DNAH12: variants seen among roughly 807,000 people sequenced by gnomAD.
DNAH12 encodes dynein axonemal heavy chain 12, also known as axonemal beta dynein heavy chain 12.
Under a neutral mutation model 371.5 loss-of-function variants are expected in DNAH12, and 285 were observed. The ratio of observed to expected loss-of-function variants is 0.77; its 90% CI spans 0.70 to 0.85. The LOEUF is 0.85. Ranked by LOEUF, DNAH12 falls within the 40% of genes least tolerant of loss-of-function variation. The probability of loss-of-function intolerance (pLI) is 0.00; values close to 1 mark genes in which losing one functional copy is unlikely to be tolerated. For missense variants in DNAH12, 3,611 were observed against 3,689.4 expected (o/e 0.98, Z 0.55); for synonymous variants, 1,200 against 1,213.0 (o/e 0.99, Z 0.22).
intron 15 of DNAH12, among the ~76,000 whole-genome samples, chr3:57,471,115 T>C (rs112268574): frequency 1.3e-5 from 2 of 152,016 alleles, no homozygotes; most frequent in African/African-American, 4.8e-5. Flanking sequence ...AAAGATAACA[T>C]AGTTCCAGTT....
chr3:57,335,063 C>G, intron 60 of DNAH12, 123 bp from the exon 61 acceptor site: 2 of 1,029,700 alleles, frequency 1.9e-6, no homozygotes, highest in Non-Finnish European at 2.7e-6. Context: ...CTGTAAACAA[C>G]TAGAAAACTG....
intron 11 of DNAH12, among the ~76,000 whole-genome samples, chr3:57,499,647 A>AAATATATATATATATATAT (rs1451248906): frequency 1.7e-4 from 3 of 17,958 alleles, no homozygotes; most frequent in Non-Finnish European, 2.4e-4. Flanking sequence ...AAAAAAAAAA[A>AAATATATATATATATATAT]ATATATATAT....
chr3:57,405,233 ATAAAG>A (rs2063988100), intron 41 of DNAH12, 86 bp from the exon 42 acceptor site: 2 of 1,214,490 alleles, frequency 1.6e-6, no homozygotes, highest in Non-Finnish European at 1.1e-6. Flanking sequence ...CATCCATGTT[ATAAAG>A]TAATTAAGTT....
intron 40 of DNAH12, among the ~76,000 whole-genome samples, chr3:57,407,873 C>A (rs2064086136): frequency 6.6e-6 from 1 of 151,848 alleles, no homozygotes; most frequent in South Asian, 2.1e-4. Context: ...GCTTAAATTT[C>A]TTTAAGACAA....
chr3:57,433,807 A>G lies in DNAH12; in HGVS notation c.4677T>C (p.Pro1559=), dbSNP rs936742157. The part of the protein sequence containing the change: ...VRHGFMLVGE[P]FAAKTKVLHV... ...GCAGAACTTTTGTCTTAGCAGCAAA[A>G]GGCTCTCCTACTAACATAAAACTAT... Residue 1559 remains proline, a synonymous_variant, in exon 31 of 74, where the codon CCT becomes CCC. Coordinates refer to ENST00000495027, the MANE Select transcript of DNAH12 (RefSeq NM_001366028.2). 7 of 1,545,788 alleles carry G rather than the reference A, an allele frequency of 4.5e-6. No individual in the cohort carries two copies. In the Admixed American group the frequency reaches 1.4e-4, roughly 31 times the overall value.
At chr3:57,325,090 A>C (rs1391240911) in intron 62 of DNAH12, among the ~76,000 whole-genome samples, 1 of 152,248 alleles carries the variant, frequency 6.6e-6, no homozygotes, top group Non-Finnish European at 1.5e-5. Context: ...GGTGGAACCC[A>C]CCACAGCTCA....
intron 62 of DNAH12, among the ~76,000 whole-genome samples, chr3:57,324,532 G>C (rs1214889156): frequency 1.3e-5 from 2 of 152,124 alleles, no homozygotes; most frequent in East Asian, 1.9e-4. Flanking sequence ...TCCACAATGT[G>C]GTGGGCCTCA....
At chr3:57,406,177 C>T (rs1553681171) in intron 40 of DNAH12, among the ~76,000 whole-genome samples, 1 of 151,734 alleles carries the variant, frequency 6.6e-6, no homozygotes, top group Non-Finnish European at 1.5e-5. Context: ...ATGGCAAAAC[C>T]CTGTCTCTAC....
At chr3:57,368,422 G>C (rs954357136) in intron 55 of DNAH12, among the ~76,000 whole-genome samples, 162 bp from the exon 56 acceptor site, 1 of 147,428 alleles carries the variant, frequency 6.8e-6, no homozygotes, top group Non-Finnish European at 1.5e-5. Context: ...ATGAAAAGGA[G>C]TTTTTTTTTT....
At chr3:57,508,237 T>A in intron 7 of DNAH12, 145 bp downstream of exon 7, 1 of 862,958 alleles carries the variant, frequency 1.2e-6, no homozygotes, top group Non-Finnish European at 1.6e-6. Context: ...CACACAATTG[T>A]TGAAACAAAC....
Position 57,446,171 on chromosome 3 carries a change from A to G in DNAH12, c.4039T>C (p.Cys1347Arg). 1 of 1,551,744 alleles carries G rather than the reference A, an allele frequency of 6.4e-7. No individual in the cohort carries two copies. ...TTCTGTTGAATAGCTCTCTGAATGC[A>G]AAGGATCTGTTGAGCTACCACTGAC... ...VLSVVAQQIL[C>R]IQRAIQQKLV... The change falls in exon 27 of 74, where the codon TGC becomes CGC. Residue 1347 changes from cysteine (C) to arginine (R), a missense_variant. Cys to Arg is a radical substitution (Grantham distance 180). Transcript: ENST00000495027.
At chr3:57,488,530 T>C (rs1473276933) in intron 12 of DNAH12, among the ~76,000 whole-genome samples, 2 of 152,114 alleles carry the variant, frequency 1.3e-5, no homozygotes, top group Non-Finnish European at 2.9e-5. Flanking sequence ...AGTAGAAAAC[T>C]GAGGCTCAGG....
intron 55 of DNAH12, among the ~76,000 whole-genome samples, chr3:57,374,466 T>C (rs1455476309): frequency 1.3e-5 from 2 of 152,100 alleles, no homozygotes; most frequent in African/African-American, 4.8e-5. Flanking sequence ...CAAAGTGATA[T>C]AAATAAAAGG....
chr3:57,531,877 T>C (rs1172269813), intron 2 of DNAH12, among the ~76,000 whole-genome samples: 1 of 152,128 alleles, frequency 6.6e-6, no homozygotes, highest in Non-Finnish European at 1.5e-5. Flanking sequence ...ATTATCTTTT[T>C]CTAGGTTTGG....
chr3:57,446,738 AAAC>A lies in DNAH12; in HGVS notation c.3787-52_3787-50del, dbSNP rs375701191. The A allele has an allele frequency of 6.6e-4, 922 of 1,399,070 alleles. 5 individuals carry two copies. In the Middle Eastern group the frequency reaches 0.01, roughly 15 times the overall value. 86.7% of individuals were successfully genotyped at this position (1,399,070 alleles called of 1,614,324 possible). A position where few individuals can be genotyped will look rare whatever the true frequency, so the allele number is the denominator to read the frequency against. On this transcript the variant is annotated intron_variant, in intron 25 of 73. Transcript: ENST00000495027. ...AAGAAATCCATGCTTAAATTTAAAA[AAAC>A]AACAGACACTTGTTTACCAAATGGA... is the stretch of plus-strand genomic sequence containing the variant.
chr3:57,529,705 T>G (rs1333714900), intron 2 of DNAH12, among the ~76,000 whole-genome samples: 1 of 152,206 alleles, frequency 6.6e-6, no homozygotes, highest in Non-Finnish European at 1.5e-5. Context: ...ATTCATCTTT[T>G]GTATTGTTTT....
At chr3:57,527,924 G>C (rs930113511) in intron 2 of DNAH12, among the ~76,000 whole-genome samples, 1 of 152,156 alleles carries the variant, frequency 6.6e-6, no homozygotes, top group Non-Finnish European at 1.5e-5. Flanking sequence ...GCCTGTACTC[G>C]TGGGGTATTA....
intron 37 of DNAH12, among the ~76,000 whole-genome samples, chr3:57,417,017 G>A (rs778991500): frequency 2.0e-5 from 3 of 152,052 alleles, no homozygotes; most frequent in Non-Finnish European, 2.9e-5. Context: ...TTGGGAGGCC[G>A]AGGCAGGTGG....
Position 57,334,465 on chromosome 3 carries a change from C to T in DNAH12, c.9978G>A (p.Lys3326=). ...IIILRCLRPD[K]ITPAITNYVT... is the part of the protein sequence containing the mutation. ...CAAATAGAACACATTGGTCTTTTAC[C>T]TTATCAGGTCTTAAACACCGAAGAA... is the stretch of plus-strand genomic sequence containing the variant. Residue 3326 remains lysine (K), a splice_region_variant and synonymous_variant, in exon 62 of 74, where the codon AAG becomes AAA. Transcript: ENST00000495027. 1 of 1,545,174 alleles carries T rather than the reference C, an allele frequency of 6.5e-7. No individual in the cohort carries two copies. The highest frequency in any genetic ancestry group is 2.0e-5 in the Admixed American group (1 of 49,786).
Sources: gnomAD v4.1 joint callset for allele counts (sites outside exome capture counted in the v4.1 genomes callset) on GRCh38, gnomAD v4.1.1 for gene constraint, MANE v1.5 for transcripts, NCBI Gene and HGNC (gene_info 2026-07-23, HGNC 2026-07-21) for gene names.